CSTPP1: variants seen among roughly 807,000 people sequenced by gnomAD.
The protein encoded by CSTPP1 is UPF0705 protein C11orf49.
At chr11:47,023,859 T>G in the CSTPP1 span, among the ~76,000 whole-genome samples, 421 of 152,316 alleles carry the variant, frequency 2.8e-3, 3 homozygotes, top group African/African-American at 9.4e-3. Flanking sequence ...CATTAGACAC[T>G]AGGGTGGCTT....
chr11:47,111,938 A>T, the CSTPP1 span, among the ~76,000 whole-genome samples: 1 of 152,218 alleles, frequency 6.6e-6, no homozygotes, highest in Non-Finnish European at 1.5e-5. Flanking sequence ...AAAAGGCCAT[A>T]TACATGAACT....
At chr11:47,094,480 C>CAGAGAG in the CSTPP1 span, among the ~76,000 whole-genome samples, 8 of 150,176 alleles carry the variant, frequency 5.3e-5, no homozygotes, top group African/African-American at 7.3e-5. Flanking sequence ...TTACCACACA[C>CAGAGAG]AGAGAGAGAG....
At chr11:46,956,592 G>A in the CSTPP1 span, among the ~76,000 whole-genome samples, 1 of 152,106 alleles carries the variant, frequency 6.6e-6, no homozygotes. Flanking sequence ...ACACAGTGAG[G>A]TAGGTTTGCG....
At chr11:47,008,167 G>A in the CSTPP1 span, among the ~76,000 whole-genome samples, 3 of 151,952 alleles carry the variant, frequency 2.0e-5, no homozygotes, top group Non-Finnish European at 4.4e-5. Flanking sequence ...GGGTTTCACC[G>A]TGCTGGCCAG....
chr11:47,109,356 A>G, the CSTPP1 span: 5 of 152,188 alleles, frequency 3.3e-5, no homozygotes, highest in Admixed American at 3.3e-4. Flanking sequence ...AGTAACTTGG[A>G]TTCTGAGGAC....
At chr11:47,126,793 G>A in the CSTPP1 span, among the ~76,000 whole-genome samples, 3 of 151,990 alleles carry the variant, frequency 2.0e-5, no homozygotes, top group East Asian at 3.9e-4. Flanking sequence ...TTAGCCAGGC[G>A]TGGTGGTGTG....
chr11:47,076,670 G>A, the CSTPP1 span, among the ~76,000 whole-genome samples: 122 of 151,920 alleles, frequency 8.0e-4, no homozygotes, highest in Non-Finnish European at 1.3e-3. Context: ...GCAAAACCCC[G>A]TCTCTACTAA....
chr11:46,941,494 C>G, the CSTPP1 span, among the ~76,000 whole-genome samples: 2 of 152,158 alleles, frequency 1.3e-5, no homozygotes, highest in Non-Finnish European at 2.9e-5. Context: ...CACCTGCCAC[C>G]ATGCCCAGCT....
chr11:46,967,922 C>G, the CSTPP1 span, among the ~76,000 whole-genome samples: 1 of 151,914 alleles, frequency 6.6e-6, no homozygotes, highest in Non-Finnish European at 1.5e-5. Flanking sequence ...AGTATCTCCT[C>G]TAAAAATTTA....
chr11:47,094,985 T>C, the CSTPP1 span, among the ~76,000 whole-genome samples: 5 of 152,170 alleles, frequency 3.3e-5, no homozygotes, highest in African/African-American at 1.2e-4. Context: ...AATAAAACTG[T>C]TGTGTTATTT....
chr11:47,017,173 A>AT, the CSTPP1 span, among the ~76,000 whole-genome samples: 245 of 82,200 alleles, frequency 3.0e-3, 2 homozygotes, highest in East Asian at 0.012. Flanking sequence ...AATTCTATGA[A>AT]TTTTTTTTTT....
chr11:46,952,285 G>A, the CSTPP1 span, among the ~76,000 whole-genome samples: 2 of 152,186 alleles, frequency 1.3e-5, no homozygotes, highest in Non-Finnish European at 1.5e-5. Flanking sequence ...GCCAGTAAAA[G>A]GGGAAACAGT....
At chr11:46,988,426 TG>T in the CSTPP1 span, among the ~76,000 whole-genome samples, 1 of 152,152 alleles carries the variant, frequency 6.6e-6, no homozygotes, top group African/African-American at 2.4e-5. Flanking sequence ...TGAATGGAAC[TG>T]AAGATCATTA....
chr11:47,081,935 C>CTTT, the CSTPP1 span, among the ~76,000 whole-genome samples: 1 of 133,302 alleles, frequency 7.5e-6, no homozygotes, highest in African/African-American at 2.8e-5. Flanking sequence ...ACAAAAAAAC[C>CTTT]TTTTTTTTTT....
chr11:47,157,141 G>A, the CSTPP1 span: 1 of 1,613,706 alleles, frequency 6.2e-7, no homozygotes, highest in Non-Finnish European at 8.5e-7. Flanking sequence ...CCTTGGGCGG[G>A]GCCGGCACGC....
chr11:47,157,689 G>A, the CSTPP1 span: 6 of 835,750 alleles, frequency 7.2e-6, no homozygotes, highest in South Asian at 8.0e-5. Context: ...GATCCCCCAG[G>A]GCCTTGGGGC....
chr11:47,156,461 C>G, the CSTPP1 span, among the ~76,000 whole-genome samples: 2 of 152,254 alleles, frequency 1.3e-5, no homozygotes, highest in Non-Finnish European at 2.9e-5. Context: ...AAATGACTGA[C>G]TCATCAGCAG....
the CSTPP1 span, chr11:47,160,223 T>C: frequency 6.7e-6 from 1 of 150,198 alleles, no homozygotes; most frequent in Non-Finnish European, 1.5e-5. Flanking sequence ...GAAGATCGCT[T>C]GGGCATGGGA....
chr11:47,105,442 G>A, the CSTPP1 span, among the ~76,000 whole-genome samples: 9 of 152,084 alleles, frequency 5.9e-5, no homozygotes, highest in African/African-American at 1.9e-4. Flanking sequence ...TTGAGGCCAC[G>A]GTGAGCCATG....
Sources: gnomAD v4.1 joint callset for allele counts (sites outside exome capture counted in the v4.1 genomes callset) on GRCh38, gnomAD v4.1.1 for gene constraint, MANE v1.5 for transcripts, NCBI Gene and HGNC (gene_info 2026-07-23, HGNC 2026-07-21) for gene names.